Variants in SLC45A1 observed in about 807,000 individuals in gnomAD.
SLC45A1 encodes solute carrier family 45 member 1.
A neutral mutation model predicts 57.6 loss-of-function variants in SLC45A1; 28 were observed. That is an observed-to-expected ratio of 0.49 (90% CI 0.36 to 0.67). The LOEUF is 0.67. SLC45A1 is among the 30% of genes least tolerant of loss of function. The pLI is 0.00. For synonymous variants in SLC45A1, 459 were observed against 471.5 expected (o/e 0.97, Z 0.34); for missense variants, 814 against 1,041.5 (o/e 0.78, Z 3.01).
In SLC45A1 at chr1:8,330,289, C is replaced by A; in HGVS notation, c.796C>A (p.Leu266Ile). ...TGFGRALGGQ[L>I]RVIYLFTAVT... Reference sequence around the variant, plus strand: ...CTTCGGGAGGGCCCTGGGGGGACAGCTCCGAGTCATTTACCTCTTCACTGC... The same window carrying A: ...CTTCGGGAGGGCCCTGGGGGGACAGATCCGAGTCATTTACCTCTTCACTGC... The change falls in exon 5 of 9, where the codon CTC (leucine) becomes ATC (isoleucine). Residue 266 changes from leucine (L) to isoleucine (I), a missense_variant. Transcript: ENST00000471889. The surrounding 1 kb of genome is among the most constrained non-coding windows in gnomAD (Gnocchi z 8.4). The A allele has an allele frequency of 1.2e-6, 2 of 1,613,858 alleles. No homozygotes were observed. The highest frequency in any genetic ancestry group is 1.7e-6 in the Non-Finnish European group (2 of 1,180,004).
rs1640277809 is a variant in SLC45A1 at position 8,328,721 on chromosome 1, C to T, written c.716-1488C>T. ...GGGCGTGGTGGTGAGCGCCTGTAAT[C>T]CCAGCTACTCGGGAGGCTGAGGCAG... is the stretch of plus-strand genomic sequence containing the variant. On this transcript the variant is annotated intron_variant, in intron 4 of 8. Coordinates refer to ENST00000471889, the MANE Select transcript of SLC45A1 (RefSeq NM_001080397.3). The surrounding 1 kb of genome is among the most constrained non-coding windows in gnomAD (Gnocchi z 4.6). 6.6e-6 allele frequency among the ~76,000 whole-genome samples: 1 copy of T among 152,122 alleles called. No individual in the cohort carries two copies. The highest frequency in any genetic ancestry group is 6.5e-5 in the Admixed American group (1 of 15,268).
At chr1:8,319,111 T>A (rs1639913361) in intron 1 of SLC45A1, among the ~76,000 whole-genome samples, 1 of 152,048 alleles carries the variant, frequency 6.6e-6, no homozygotes. Flanking sequence ...TGAAACCCCA[T>A]CTCTACTAAA....
At chr1:8,321,847 T>C (rs902738659) in intron 1 of SLC45A1, among the ~76,000 whole-genome samples, 37 of 146,990 alleles carry the variant, frequency 2.5e-4, no homozygotes, top group African/African-American at 8.6e-4. Context: ...TGAATGGATG[T>C]GTGGGTGAGT....
chr1:8,328,251 C>T lies in SLC45A1; in HGVS notation c.716-1958C>T, dbSNP rs1640261335. ...CTAATGAGACATTAGGCCTTCATTA[C>T]AGGACCCGAATGAAGAGGCTGGGTC... On this transcript the variant is annotated intron_variant, in intron 4 of 8. Transcript: ENST00000471889. This position sits in a 1 kb window ranked among gnomAD's most constrained non-coding sequence, Gnocchi z 4.6. 6.6e-6 allele frequency: 1 copy of T among 152,184 alleles called. No homozygotes were observed. Among genetic ancestry groups the T allele is most frequent in the South Asian group, 2.1e-4 (1 of 4,830 alleles). The allele number at this position is 152,184 out of a possible 1,614,324, so 9.4% of individuals were successfully genotyped here.
intron 5 of SLC45A1, among the ~76,000 whole-genome samples, chr1:8,332,356 A>AT (rs1011161318): frequency 3.9e-4 from 60 of 152,316 alleles, no homozygotes; most frequent in African/African-American, 1.3e-3. Context: ...TCCGGAGGCT[A>AT]TAAAAACAGG....
At position 8,330,652 on chromosome 1, in the gene SLC45A1, A is replaced by T. The variant is rs919719059; in HGVS notation, c.1159A>T (p.Ser387Cys). 1.9e-6 allele frequency: 3 copies of T among 1,613,334 alleles called. No homozygotes were observed. The highest frequency in any genetic ancestry group is 3.3e-5 in the Admixed American group (2 of 60,008). Residue 387 changes from serine to cysteine, a missense_variant, in exon 5 of 9, where the codon AGC (serine) becomes TGC (cysteine). Transcript: ENST00000471889. The surrounding 1 kb of genome is among the most constrained non-coding windows in gnomAD (Gnocchi z 8.4). Reference protein sequence around the residue: ...LIDCFTGGHDSYLAIPGSVPR... With the variant: ...LIDCFTGGHDCYLAIPGSVPR... ...TGACTGCTTCACGGGCGGCCACGAC[A>T]GCTACCTGGCCATCCCTGGCAGCGT...
intron 1 of SLC45A1, among the ~76,000 whole-genome samples, chr1:8,320,520 T>C (rs997332063): frequency 7.9e-5 from 12 of 152,114 alleles, no homozygotes; most frequent in Admixed American, 7.9e-4. Context: ...GGTGTGCACC[T>C]GTAGTTCCAG....
chr1:8,324,457 C>T lies in SLC45A1; in HGVS notation c.128C>T (p.Ala43Val). 6.2e-7 allele frequency: 1 copy of T among 1,612,826 alleles called. No homozygotes were observed. The part of the protein sequence containing the change: ...GSVTRHLSHR[A>V]NNFKRHPKRR... ...GTGACACGACACCTCAGTCACCGGG[C>T]CAACAACTTCAAACGACACCCCAAG... Residue 43 changes from alanine (A) to valine (V), a missense_variant, in exon 2 of 9, where the codon GCC becomes GTC. Transcript: ENST00000471889.
At chr1:8,329,618 G>A (rs1640313836) in intron 4 of SLC45A1, among the ~76,000 whole-genome samples, 1 of 152,246 alleles carries the variant, frequency 6.6e-6, no homozygotes, top group Non-Finnish European at 1.5e-5. Flanking sequence ...GTGCCCCGAG[G>A]CGTGGAATGA....
intron 5 of SLC45A1, among the ~76,000 whole-genome samples, chr1:8,332,137 C>T (rs1022434405): frequency 1.3e-5 from 2 of 152,176 alleles, no homozygotes; most frequent in African/African-American, 2.4e-5. Flanking sequence ...TAATTCAGGC[C>T]GGGCCTGTCC....
rs938530669 is a variant in SLC45A1 at position 8,328,955 on chromosome 1, G to C, written c.716-1254G>C. On this transcript the variant is annotated intron_variant, in intron 4 of 8. Coordinates refer to ENST00000471889, the MANE Select transcript of SLC45A1 (RefSeq NM_001080397.3). The surrounding 1 kb of genome is among the most constrained non-coding windows in gnomAD (Gnocchi z 4.6). Reference sequence around the variant, plus strand: ...GGAGGGAAGGCAATTAGAATCATGAGTGTGGGAAGTCAAGAATAATAAAAT... The same window carrying C: ...GGAGGGAAGGCAATTAGAATCATGACTGTGGGAAGTCAAGAATAATAAAAT... Among the ~76,000 whole-genome samples the C allele has an allele frequency of 1.3e-5, 2 of 152,226 alleles. No homozygotes were observed. The highest frequency in any genetic ancestry group is 4.8e-5 in the African/African-American group (2 of 41,458).
intron 6 of SLC45A1, among the ~76,000 whole-genome samples, chr1:8,337,603 A>G (rs1640658819): frequency 6.6e-6 from 1 of 152,154 alleles, no homozygotes; most frequent in Non-Finnish European, 1.5e-5. Context: ...TATTTTCAGT[A>G]GAGACGGGGT....
chr1:8,325,568 A>G lies in SLC45A1; in HGVS notation c.490+178A>G, dbSNP rs2124294501. 6.6e-6 allele frequency among the ~76,000 whole-genome samples: 1 copy of G among 152,206 alleles called. No homozygotes were observed. The highest frequency in any genetic ancestry group is 1.5e-5 in the Non-Finnish European group (1 of 68,018). On this transcript the variant is annotated intron_variant, in intron 3 of 8. Coordinates refer to ENST00000471889, the MANE Select transcript of SLC45A1 (RefSeq NM_001080397.3). This position sits in a 1 kb window ranked among gnomAD's most constrained non-coding sequence, Gnocchi z 6.3. The stretch of plus-strand genomic sequence containing the variant: ...TGGCCTCAGTTAACTGTGAGAATAG[A>G]TCGCTTTGATCATTTTTAAAAATTG...
intron 1 of SLC45A1, among the ~76,000 whole-genome samples, chr1:8,320,557 T>C (rs1015725900): frequency 2.6e-5 from 4 of 151,994 alleles, no homozygotes; most frequent in Admixed American, 2.0e-4. Flanking sequence ...GGTGAGAGGA[T>C]CACCTGAGCC....
Position 8,343,660 on chromosome 1 carries a change from C to T in SLC45A1, c.1981-87C>T. On this transcript the variant is annotated intron_variant, in intron 8 of 8. Coordinates refer to ENST00000471889, the MANE Select transcript of SLC45A1 (RefSeq NM_001080397.3). The surrounding 1 kb of genome is among the most constrained non-coding windows in gnomAD (Gnocchi z 7.7). ...GGCCGCTGTGTGTGGGCCGCTCGGG[C>T]CTCCTGGGCTCGCAGGACACACCGA... is the stretch of plus-strand genomic sequence containing the variant. 6.7e-7 allele frequency: 1 copy of T among 1,482,760 alleles called. No individual in the cohort carries two copies. Among genetic ancestry groups the T allele is most frequent in the Non-Finnish European group, 9.1e-7 (1 of 1,097,462 alleles). 91.9% of individuals were successfully genotyped at this position (1,482,760 alleles called of 1,614,324 possible). A position where few individuals can be genotyped will look rare whatever the true frequency, so the allele number is the denominator to read the frequency against.
At chr1:8,339,762 C>G in intron 8 of SLC45A1, 64 bp downstream of exon 8, 1 of 1,410,858 alleles carries the variant, frequency 7.1e-7, no homozygotes, top group Admixed American at 1.7e-5. Flanking sequence ...TGAGAACTGT[C>G]CCCCAGGACC....
Position 8,326,968 on chromosome 1 carries a change from G to A in SLC45A1, c.715+926G>A, listed in dbSNP as rs1640221671. Among the ~76,000 whole-genome samples the A allele has an allele frequency of 6.6e-6, 1 of 152,120 alleles. No individual in the cohort carries two copies. The highest frequency in any genetic ancestry group is 2.1e-4 in the South Asian group (1 of 4,830). On this transcript the variant is annotated intron_variant, in intron 4 of 8. Coordinates refer to ENST00000471889, the MANE Select transcript of SLC45A1 (RefSeq NM_001080397.3). This position sits in a 1 kb window ranked among gnomAD's most constrained non-coding sequence, Gnocchi z 5.5. ...GCACTCCAGCCTGGGCAACAAGAGC[G>A]AACCTCCATCTCAAAAACAAACAAA...
At chr1:8,334,178 T>C (rs1005183452) in intron 5 of SLC45A1, among the ~76,000 whole-genome samples, 3 of 152,232 alleles carry the variant, frequency 2.0e-5, no homozygotes, top group African/African-American at 7.2e-5. Context: ...CCTTTCTCCT[T>C]AGAGTGTAGT....
rs755422661 is a variant in SLC45A1, at chr1:8,330,311, C to G, written c.818C>G (p.Thr273Ser). 2 of 1,613,792 alleles carry G rather than the reference C, an allele frequency of 1.2e-6. No individual in the cohort carries two copies. The highest frequency in any genetic ancestry group is 1.7e-5 in the Admixed American group (1 of 60,022). Reference sequence around the variant, plus strand: ...CAGCTCCGAGTCATTTACCTCTTCACTGCGGTCACCCTGAGCGTCACCACC... The same window carrying G: ...CAGCTCCGAGTCATTTACCTCTTCAGTGCGGTCACCCTGAGCGTCACCACC... The part of the protein sequence containing the change: ...GGQLRVIYLF[T>S]AVTLSVTTVL... Residue 273 changes from threonine to serine, a missense_variant, in exon 5 of 9, where the codon ACT (threonine) becomes AGT (serine). Physicochemically the swap from Thr to Ser is moderately conservative, Grantham distance 58. Coordinates refer to ENST00000471889, the MANE Select transcript of SLC45A1 (RefSeq NM_001080397.3). This position sits in a 1 kb window ranked among gnomAD's most constrained non-coding sequence, Gnocchi z 8.4.
Sources: gnomAD v4.1 joint callset for allele counts (sites outside exome capture counted in the v4.1 genomes callset) on GRCh38, gnomAD v4.1.1 for gene constraint, Gnocchi (gnomAD v3.1) non-coding constraint, MANE v1.5 for transcripts, NCBI Gene and HGNC (gene_info 2026-07-23, HGNC 2026-07-21) for gene names.